LAMP1: variants seen among roughly 807,000 people sequenced by gnomAD.
LAMP1 encodes the protein lysosome associated membrane protein 1, also known as lysosome-associated membrane glycoprotein 1.
A neutral mutation model predicts 37.5 loss-of-function variants in LAMP1; 7 were observed. The observed-to-expected ratio is 0.19, with a 90% CI of 0.11 to 0.35. The LOEUF is 0.35. Among genes scored for constraint, LAMP1 ranks in the 10% least tolerant of loss-of-function variants. LAMP1 has a pLI of 1.00. For missense variants in LAMP1, 537 were observed against 552.8 expected (o/e 0.97, Z 0.29); for synonymous variants, 236 against 229.1 (o/e 1.03, Z -0.27).
intron 3 of LAMP1, 124 bp from the exon 4 acceptor site, chr13:113,310,583 ATT>A (rs570984891): frequency 1.2e-4 from 86 of 741,998 alleles, no homozygotes; most frequent in South Asian, 2.7e-4. Context: ...TGCAATTGTG[ATT>A]TTTTTTTTTT....
At chr13:113,301,640 AAAAAATATATATATATATATATATAT>A (rs368106053) in intron 1 of LAMP1, among the ~76,000 whole-genome samples, 37,204 of 74,964 alleles carry the variant, frequency 0.5, 9,020 homozygotes, top group Non-Finnish European at 0.55. Context: ...AAAAAAAAAA[AAAAAATATATATATATATATATATAT>A]ATATATATAT....
At chr13:113,319,802 C>T in intron 5 of LAMP1, 146 bp downstream of exon 5, 2 of 726,310 alleles carry the variant, frequency 2.8e-6, no homozygotes, top group Non-Finnish European at 4.4e-6. Context: ...CCCTAGAGGA[C>T]AAGAGCTGGC....
rs9549739 is a variant in LAMP1, at chr13:113,320,975, G to A, written c.877-429G>A. 0.29 allele frequency: 67,821 copies of A among 237,384 alleles called. 11,526 individuals are homozygous for A. Among genetic ancestry groups the A allele is most frequent in the South Asian group, 0.49 (8,259 of 16,864 alleles). 14.7% of individuals were successfully genotyped at this position (237,384 alleles called of 1,614,324 possible). A position where few individuals can be genotyped will look rare whatever the true frequency, so the allele number is the denominator to read the frequency against. ...CCAGAGACTGACTCTCAAGAGGTCT[G>A]GAAGGACCAGCCTGGGCAGCACAGG... On this transcript the variant is annotated intron_variant, in intron 6 of 8. Coordinates refer to ENST00000332556, the MANE Select transcript of LAMP1 (RefSeq NM_005561.4). The surrounding 1 kb of genome is among the most constrained non-coding windows in gnomAD (Gnocchi z 4.4).
chr13:113,318,216 G>A (rs1006377147), intron 4 of LAMP1, among the ~76,000 whole-genome samples: 1 of 152,226 alleles, frequency 6.6e-6, no homozygotes, highest in Non-Finnish European at 1.5e-5. Flanking sequence ...CTCAGAACCC[G>A]TTGGGGTGCA....
At chr13:113,306,834 C>CTTTCTT (rs2042601592) in intron 2 of LAMP1, among the ~76,000 whole-genome samples, 1 of 80,142 alleles carries the variant, frequency 1.2e-5, no homozygotes, top group Admixed American at 2.3e-4. Context: ...GAACATTTTC[C>CTTTCTT]TTTTTTTTTT....
intron 1 of LAMP1, 21 bp from the exon 2 acceptor site, chr13:113,306,464 C>T (rs775218649): frequency 1.1e-5 from 17 of 1,610,852 alleles, no homozygotes; most frequent in African/African-American, 9.4e-5. Flanking sequence ...TGATGGTCTC[C>T]GTCTTCCCTG....
At chr13:113,311,641 C>T (rs781360578) in intron 4 of LAMP1, among the ~76,000 whole-genome samples, 6 of 152,204 alleles carry the variant, frequency 3.9e-5, no homozygotes, top group African/African-American at 7.2e-5. Context: ...CTAACCCAGC[C>T]GCCGGGCTCT....
rs140113426 is a variant in LAMP1, at chr13:113,321,762, G to A, written c.1114+35G>A. On this transcript the variant is annotated intron_variant, in intron 8 of 8. Transcript: ENST00000332556. The surrounding 1 kb of genome is among the most constrained non-coding windows in gnomAD (Gnocchi z 5.6). ...ACCGAGGGCAGCTGTCGCGGGGTGT[G>A]GAGGACGTGCTTCAGACTCCGCCTG... 213 of 1,606,022 alleles carry A rather than the reference G, an allele frequency of 1.3e-4. 1 individual carries two copies. The African/African-American group carries it at 2.4e-3, about 18-fold the overall frequency.
Position 113,297,537 on chromosome 13 carries a change from C to T in LAMP1, c.61+42C>T. The T allele has an allele frequency of 8.2e-7, 1 of 1,225,902 alleles. No homozygotes were observed. Among genetic ancestry groups the T allele is most frequent in the Non-Finnish European group, 1.0e-6 (1 of 982,350 alleles). 75.9% of individuals were successfully genotyped at this position (1,225,902 alleles called of 1,614,324 possible). A position where few individuals can be genotyped will look rare whatever the true frequency, so the allele number is the denominator to read the frequency against. ...GGGGCCTGGGAGCGGCGGGACCGGG[C>T]GGAGCCGAGGTCCCTGGGTCTTGAG... On this transcript the variant is annotated intron_variant, in intron 1 of 8. Transcript: ENST00000332556. The surrounding 1 kb of genome is among the most constrained non-coding windows in gnomAD (Gnocchi z 4.4).
At chr13:113,302,035 T>A (rs2042577636) in intron 1 of LAMP1, among the ~76,000 whole-genome samples, 1 of 142,064 alleles carries the variant, frequency 7.0e-6, no homozygotes, top group Non-Finnish European at 1.5e-5. Flanking sequence ...GCTAATTTTG[T>A]ATTTTTAGTG....
At chr13:113,312,848 T>G (rs913447233) in intron 4 of LAMP1, among the ~76,000 whole-genome samples, 7 of 152,168 alleles carry the variant, frequency 4.6e-5, no homozygotes, top group African/African-American at 1.7e-4. Context: ...AAAGATAACT[T>G]CAGCTAGGGG....
At chr13:113,312,225 C>T (rs751228652) in intron 4 of LAMP1, among the ~76,000 whole-genome samples, 2 of 152,224 alleles carry the variant, frequency 1.3e-5, no homozygotes, top group Non-Finnish European at 2.9e-5. Context: ...AATTTCCATA[C>T]AGCCCATGAG....
chr13:113,306,834 C>CTTTTTTTTTTTTTTTTTTTTTT (rs780041684), intron 2 of LAMP1, among the ~76,000 whole-genome samples: 1 of 80,142 alleles, frequency 1.2e-5, no homozygotes, highest in Non-Finnish European at 2.2e-5. Context: ...GAACATTTTC[C>CTTTTTTTTTTTTTTTTTTTTTT]TTTTTTTTTT....
rs1397429013 is a variant in LAMP1 at position 113,297,711 on chromosome 13, C to T, written c.61+216C>T. Among the ~76,000 whole-genome samples, 1 of 152,220 alleles carries T rather than the reference C, an allele frequency of 6.6e-6. No individual in the cohort carries two copies. The highest frequency in any genetic ancestry group is 1.5e-5 in the Non-Finnish European group (1 of 68,032). The stretch of plus-strand genomic sequence containing the variant: ...GCAGGTGCTTGGGGGACCAGGAGGT[C>T]TCATCCCAGGACCTGGCTCCTCTAA... On this transcript the variant is annotated intron_variant, in intron 1 of 8. Transcript: ENST00000332556. The surrounding 1 kb of genome is among the most constrained non-coding windows in gnomAD (Gnocchi z 4.4).
chr13:113,301,635 A>G (rs1221466367), intron 1 of LAMP1, among the ~76,000 whole-genome samples: 1 of 22,310 alleles, frequency 4.5e-5, no homozygotes, highest in Non-Finnish European at 9.6e-5. Context: ...TTTAAAAAAA[A>G]AAAAAAAAAA....
chr13:113,318,431 GA>G (rs2042678406), intron 4 of LAMP1, among the ~76,000 whole-genome samples: 1 of 152,148 alleles, frequency 6.6e-6, no homozygotes, highest in Admixed American at 6.5e-5. Context: ...GGAAAGGATC[GA>G]ATTGGGTGGA....
intron 1 of LAMP1, among the ~76,000 whole-genome samples, chr13:113,301,351 T>G (rs1402348910): frequency 6.6e-6 from 1 of 151,914 alleles, no homozygotes; most frequent in East Asian, 1.9e-4. Flanking sequence ...CCGGGCACGG[T>G]GGCTGTCACG....
rs779861274 is a variant in LAMP1 at position 113,322,431 on chromosome 13, C to G, written c.*10C>G. 2.5e-6 allele frequency: 4 copies of G among 1,600,924 alleles called. No homozygotes were observed. In the South Asian group the frequency reaches 3.3e-5, roughly 13 times the overall value. On this transcript the variant is annotated 3_prime_UTR_variant, in exon 9 of 9. Coordinates refer to ENST00000332556, the MANE Select transcript of LAMP1 (RefSeq NM_005561.4). ...CTACCAGACTATCTAGCCTGGTGCA[C>G]GCAGGCACAGCAGCTGCAGGGGCCT... is the stretch of plus-strand genomic sequence containing the variant.
chr13:113,320,523 C>G lies in LAMP1; in HGVS notation c.876+53C>G. 1 of 1,581,142 alleles carries G rather than the reference C, an allele frequency of 6.3e-7. No individual in the cohort carries two copies. Among genetic ancestry groups the G allele is most frequent in the East Asian group, 2.3e-5 (1 of 44,408 alleles). On this transcript the variant is annotated intron_variant, in intron 6 of 8. Coordinates refer to ENST00000332556, the MANE Select transcript of LAMP1 (RefSeq NM_005561.4). The surrounding 1 kb of genome is among the most constrained non-coding windows in gnomAD (Gnocchi z 4.4). ...GGCGCCCACTGTGTCTCCACCACAT[C>G]TTTTTGTGCCCTGGGTCTGCTCATG...
Sources: gnomAD v4.1 joint callset for allele counts (sites outside exome capture counted in the v4.1 genomes callset) on GRCh38, gnomAD v4.1.1 for gene constraint, Gnocchi (gnomAD v3.1) non-coding constraint, MANE v1.5 for transcripts, NCBI Gene and HGNC (gene_info 2026-07-23, HGNC 2026-07-21) for gene names.